ATE1: variants seen among roughly 807,000 people sequenced by gnomAD.
ATE1 encodes the protein arginyl-tRNA--protein transferase 1.
In ATE1, 36 loss-of-function variants were observed where a neutral mutation model predicts 70.5. The observed-to-expected ratio is 0.51, with a 90% CI of 0.39 to 0.67. The LOEUF (loss-of-function observed/expected upper bound fraction) is 0.67. Ranked by LOEUF, ATE1 falls within the 30% of genes least tolerant of loss-of-function variation. The pLI, the probability that ATE1 is intolerant of heterozygous loss-of-function variation, is 0.00. For synonymous variants in ATE1, 232 were observed against 219.3 expected (o/e 1.06, Z -0.51); for missense variants, 593 against 629.5 (o/e 0.94, Z 0.62).
intron 7 of ATE1, among the ~76,000 whole-genome samples, chr10:121,893,839 A>G (rs1388217876): frequency 3.9e-5 from 6 of 152,206 alleles, no homozygotes; most frequent in African/African-American, 7.2e-5. Flanking sequence ...GCAAGCAGTA[A>G]AAGAGGAACA....
At chr10:121,908,727 AAGT>A (rs1951301076) in intron 5 of ATE1, among the ~76,000 whole-genome samples, 1 of 152,196 alleles carries the variant, frequency 6.6e-6, no homozygotes, top group African/African-American at 2.4e-5. Flanking sequence ...AACACCCATG[AAGT>A]GATCTTGCCC....
chr10:121,810,781 C>A (rs1947289351), intron 10 of ATE1, among the ~76,000 whole-genome samples: 2 of 152,148 alleles, frequency 1.3e-5, no homozygotes, highest in Non-Finnish European at 2.9e-5. Context: ...CTGCCCACTG[C>A]AATCTCCACC....
intron 5 of ATE1, among the ~76,000 whole-genome samples, chr10:121,904,985 T>C (rs946453677): frequency 2.6e-5 from 4 of 152,366 alleles, no homozygotes; most frequent in African/African-American, 9.6e-5. Flanking sequence ...ATTACTCTAC[T>C]GACCAACAGA....
chr10:121,743,916 CTTTTTTT>C (rs35850942), intron 11 of ATE1, 58 bp from the exon 12 acceptor site: 315 of 870,430 alleles, frequency 3.6e-4, no homozygotes, highest in Admixed American at 1.1e-3. Context: ...TTTTTGTTTC[CTTTTTTT>C]TTTTTTTTTT....
intron 10 of ATE1, among the ~76,000 whole-genome samples, chr10:121,792,250 A>C (rs148188402): frequency 5.9e-5 from 9 of 152,310 alleles, no homozygotes; most frequent in South Asian, 2.1e-4. Context: ...AGGAACAGGA[A>C]ATGGCAGGGC....
intron 10 of ATE1, among the ~76,000 whole-genome samples, chr10:121,796,788 T>C (rs1946675073): frequency 6.6e-6 from 1 of 152,208 alleles, no homozygotes; most frequent in Non-Finnish European, 1.5e-5. Flanking sequence ...TCTATTTCTA[T>C]TAAAAAAGAC....
intron 11 of ATE1, among the ~76,000 whole-genome samples, chr10:121,762,796 T>G (rs1564816905): frequency 6.6e-6 from 1 of 152,262 alleles, no homozygotes; most frequent in African/African-American, 2.4e-5. Flanking sequence ...TAAATGTACA[T>G]ATAGCTCACA....
intron 8 of ATE1, among the ~76,000 whole-genome samples, chr10:121,845,647 C>A (rs1261201482): frequency 6.6e-6 from 1 of 152,090 alleles, no homozygotes; most frequent in Non-Finnish European, 1.5e-5. Flanking sequence ...TACTGGTTAA[C>A]AATTCTGATA....
intron 11 of ATE1, among the ~76,000 whole-genome samples, chr10:121,756,888 G>A (rs569153657): frequency 1.5e-4 from 23 of 152,298 alleles, no homozygotes; most frequent in African/African-American, 4.1e-4. Context: ...TTCCCCCACC[G>A]TCTTGGAGAT....
At chr10:121,873,103 A>G (rs1368319557) in intron 7 of ATE1, among the ~76,000 whole-genome samples, 1 of 152,140 alleles carries the variant, frequency 6.6e-6, no homozygotes, top group Non-Finnish European at 1.5e-5. Flanking sequence ...ATAGTTCAAT[A>G]AAGGAATAAC....
upstream of ATE1, chr10:121,928,317 C>T (rs771459981): frequency 7.9e-6 from 12 of 1,511,980 alleles, no homozygotes; most frequent in African/African-American, 1.4e-5. Context: ...GCGCGGCGGC[C>T]GCGCCAACTC....
chr10:121,907,879 C>T (rs1377390877), intron 5 of ATE1, among the ~76,000 whole-genome samples: 1 of 151,672 alleles, frequency 6.6e-6, no homozygotes, highest in African/African-American at 2.4e-5. Context: ...AAACAATGAC[C>T]AAGCCAGCAG....
chr10:121,846,717 TA>T (rs1948838232), intron 8 of ATE1: 2 of 114,046 alleles, frequency 1.8e-5, no homozygotes, highest in Non-Finnish European at 4.3e-5. Context: ...AATAAATAAA[TA>T]AATAAATAAA....
rs35535465 is a variant in ATE1 at position 121,866,846 on chromosome 10, C to CAAAA, written c.975+3156_975+3159dup. Among the ~76,000 whole-genome samples, 9 of 102,930 alleles carry CAAAA rather than the reference C, an allele frequency of 8.7e-5. 1 individual carries two copies. Among genetic ancestry groups the CAAAA allele is most frequent in the South Asian group, 3.3e-4 (1 of 3,030 alleles). 67.5% of individuals were successfully genotyped at this position (102,930 alleles called of 152,430 possible). On this transcript the variant is annotated intron_variant, in intron 8 of 11. Transcript: ENST00000224652. ...TGGGTGACAGAGTAAGACTCTGTCT[C>CAAAA]AAAAAAAAAAAAAAAAAAAATTTGT...
intron 5 of ATE1, among the ~76,000 whole-genome samples, chr10:121,909,985 A>G (rs1233819199): frequency 2.0e-5 from 3 of 152,224 alleles, no homozygotes; most frequent in African/African-American, 7.2e-5. Context: ...TCAAGGCTGC[A>G]GTGAGCTATG....
At chr10:121,810,182 G>C (rs916306819) in intron 10 of ATE1, among the ~76,000 whole-genome samples, 2 of 152,198 alleles carry the variant, frequency 1.3e-5, no homozygotes, top group Admixed American at 6.5e-5. Context: ...ATAAGCATGT[G>C]TAAATTATTT....
rs776837767 is a variant in ATE1 at position 121,755,416 on chromosome 10, T to G, written c.1379-11558A>C. ...AAAACAGAAAAAGTGATAAGGCAAA[T>G]GTGGTAACACGTTAATAACTGGGGA... On this transcript the variant is annotated intron_variant, in intron 11 of 11. Transcript: ENST00000224652. 9.8e-4 allele frequency among the ~76,000 whole-genome samples: 150 copies of G among 152,332 alleles called. 1 individual carries two copies. Among genetic ancestry groups the G allele is most frequent in the Non-Finnish European group, 2.1e-3 (141 of 68,030 alleles).
At chr10:121,858,189 G>A (rs1046202714) in intron 8 of ATE1, among the ~76,000 whole-genome samples, 2 of 152,084 alleles carry the variant, frequency 1.3e-5, no homozygotes, top group Non-Finnish European at 2.9e-5. Flanking sequence ...GTGTATATAT[G>A]CACAAGTGGA....
At chr10:121,871,500 C>T (rs1267108852) in intron 7 of ATE1, among the ~76,000 whole-genome samples, 2 of 152,080 alleles carry the variant, frequency 1.3e-5, no homozygotes, top group Admixed American at 6.6e-5. Context: ...CTAGACATGA[C>T]ATTAAATGAG....
Sources: gnomAD v4.1 joint callset for allele counts (sites outside exome capture counted in the v4.1 genomes callset) on GRCh38, gnomAD v4.1.1 for gene constraint, MANE v1.5 for transcripts, NCBI Gene and HGNC (gene_info 2026-07-23, HGNC 2026-07-21) for gene names.